The following PTGFR variants were observed in gnomAD, a reference collection of about 807,000 sequenced individuals.
The protein encoded by PTGFR is prostaglandin F2-alpha receptor.
PTGFR carries 15 observed loss-of-function variants against 26.2 expected under a neutral mutation model. The observed-to-expected ratio is 0.57, with a 90% confidence interval of 0.38 to 0.88. The LOEUF is 0.88. PTGFR is among the 40% of genes least tolerant of loss of function. The pLI is 0.00. For missense variants in PTGFR, 369 were observed against 427.2 expected (o/e 0.86, Z 1.20); for synonymous variants, 165 against 151.1 (o/e 1.09, Z -0.68).
At chr1:78,518,473 A>G (rs1650144473) in intron 2 of PTGFR, among the ~76,000 whole-genome samples, 1 of 151,810 alleles carries the variant, frequency 6.6e-6, no homozygotes. Context: ...CTATTTCTTG[A>G]CCCTAGAGAA....
At chr1:78,494,569 C>T (rs553537795) in intron 2 of PTGFR, among the ~76,000 whole-genome samples, 1 of 152,288 alleles carries the variant, frequency 6.6e-6, no homozygotes, top group Non-Finnish European at 1.5e-5. Context: ...CAAACAGGCT[C>T]ATTGCCCAAG....
chr1:78,528,813 A>G (rs1650438014), intron 2 of PTGFR, among the ~76,000 whole-genome samples: 1 of 152,100 alleles, frequency 6.6e-6, no homozygotes, highest in African/African-American at 2.4e-5. Context: ...ATGTCCAGGC[A>G]CAGTAAGCAA....
At chr1:78,527,275 T>TA (rs908970524) in intron 2 of PTGFR, among the ~76,000 whole-genome samples, 11 of 152,242 alleles carry the variant, frequency 7.2e-5, no homozygotes, top group African/African-American at 2.6e-4. Context: ...AGTCTTCATT[T>TA]AAAAGTTTAA....
At chr1:78,527,610 G>T (rs1436090951) in intron 2 of PTGFR, among the ~76,000 whole-genome samples, 1 of 152,084 alleles carries the variant, frequency 6.6e-6, no homozygotes, top group Non-Finnish European at 1.5e-5. Flanking sequence ...TCTGTCTTCT[G>T]TTGCATGTTG....
intron 2 of PTGFR, among the ~76,000 whole-genome samples, chr1:78,527,219 A>C (rs1430713955): frequency 6.6e-6 from 1 of 152,084 alleles, no homozygotes; most frequent in African/African-American, 2.4e-5. Flanking sequence ...TGTAACATTT[A>C]TTTTTATTTA....
chr1:78,514,802 A>G (rs1432437141), intron 2 of PTGFR, among the ~76,000 whole-genome samples: 3 of 152,260 alleles, frequency 2.0e-5, no homozygotes, highest in Admixed American at 6.5e-5. Context: ...TGCCTTGGTG[A>G]TAAGTGAGTT....
intron 2 of PTGFR, among the ~76,000 whole-genome samples, chr1:78,531,346 T>C (rs1355916759): frequency 1.3e-5 from 2 of 152,076 alleles, no homozygotes; most frequent in East Asian, 1.9e-4. Flanking sequence ...CCATCCCAGT[T>C]CCCAAACCCT....
chr1:78,514,308 C>T (rs1650042770), intron 2 of PTGFR, among the ~76,000 whole-genome samples: 1 of 152,140 alleles, frequency 6.6e-6, no homozygotes, highest in African/African-American at 2.4e-5. Flanking sequence ...GGAGCTCACT[C>T]CTTGCATCAG....
Position 78,537,038 on chromosome 1 carries a change from C to T in PTGFR, c.*351C>T, listed in dbSNP as rs1447017541. The T allele has an allele frequency of 4.8e-6, 1 of 206,198 alleles. No individual in the cohort carries two copies. The highest frequency in any genetic ancestry group is 2.3e-5 in the African/African-American group (1 of 42,764). The allele number at this position is 206,198 out of a possible 1,614,324, so 12.8% of individuals were successfully genotyped here. A position where few individuals can be genotyped will look rare whatever the true frequency, so the allele number is the denominator to read the frequency against. ...CCAGAGAACATCTTAATGCAGCCTG[C>T]ATAGTGAAATGGTTATTTTGAGATC... On this transcript the variant is annotated 3_prime_UTR_variant, in exon 3 of 3. Transcript: ENST00000370757.
At chr1:78,513,564 CTTATA>C (rs1650022455) in intron 2 of PTGFR, among the ~76,000 whole-genome samples, 1 of 152,314 alleles carries the variant, frequency 6.6e-6, no homozygotes, top group Admixed American at 6.5e-5. Context: ...AATGCTGGAA[CTTATA>C]TTTAAATGGG....
At chr1:78,501,656 T>C (rs2100357720) in intron 2 of PTGFR, among the ~76,000 whole-genome samples, 1 of 152,222 alleles carries the variant, frequency 6.6e-6, no homozygotes, top group East Asian at 1.9e-4. Flanking sequence ...GACAATTGGA[T>C]TATGTAAAAT....
At chr1:78,521,899 C>T (rs1650251343) in intron 2 of PTGFR, among the ~76,000 whole-genome samples, 1 of 152,026 alleles carries the variant, frequency 6.6e-6, no homozygotes, top group Non-Finnish European at 1.5e-5. Context: ...TGCTGCATAA[C>T]AGAGTCCTAT....
At chr1:78,506,664 G>C (rs1280242795) in intron 2 of PTGFR, among the ~76,000 whole-genome samples, 1 of 151,932 alleles carries the variant, frequency 6.6e-6, no homozygotes, top group Non-Finnish European at 1.5e-5. Flanking sequence ...CAAGGATACT[G>C]AGTATAGTCT....
In PTGFR at chr1:78,537,319, T is replaced by G. The variant is rs1425506773; in HGVS notation, c.*632T>G. ...GACAAATAGGACTGCCTACATTTATTATTATGAAGGTCGATTGTTGTTGGA... is the reference window on the plus strand; with the variant it reads ...GACAAATAGGACTGCCTACATTTATGATTATGAAGGTCGATTGTTGTTGGA... On this transcript the variant is annotated 3_prime_UTR_variant, in exon 3 of 3. Coordinates refer to ENST00000370757, the MANE Select transcript of PTGFR (RefSeq NM_000959.4). 1.3e-5 allele frequency: 2 copies of G among 152,144 alleles called. No homozygotes were observed. Among genetic ancestry groups the G allele is most frequent in the East Asian group, 3.9e-4 (2 of 5,188 alleles). The allele number at this position is 152,144 out of a possible 1,614,324, so 9.4% of individuals were successfully genotyped here.
chr1:78,516,748 A>T (rs187934973), intron 2 of PTGFR, among the ~76,000 whole-genome samples: 7 of 150,046 alleles, frequency 4.7e-5, no homozygotes, highest in East Asian at 3.9e-4. Context: ...TTTGTACATA[A>T]TTTTTTTTTT....
At chr1:78,492,123 A>G (rs1374839233) in intron 1 of PTGFR, among the ~76,000 whole-genome samples, 1 of 152,202 alleles carries the variant, frequency 6.6e-6, no homozygotes, top group African/African-American at 2.4e-5. Flanking sequence ...TATTTGATTT[A>G]TGCTTAGAAA....
intron 2 of PTGFR, among the ~76,000 whole-genome samples, chr1:78,535,993 C>T (rs1650642145): frequency 6.6e-6 from 1 of 152,090 alleles, no homozygotes; most frequent in Non-Finnish European, 1.5e-5. Flanking sequence ...ATATCAGATG[C>T]TCTAAATTCA....
chr1:78,498,296 A>T (rs558657154), intron 2 of PTGFR, among the ~76,000 whole-genome samples: 3 of 152,314 alleles, frequency 2.0e-5, no homozygotes, highest in African/African-American at 4.8e-5. Flanking sequence ...TGTCTTGAGC[A>T]CTTGCCTCAA....
intron 2 of PTGFR, among the ~76,000 whole-genome samples, chr1:78,524,991 C>T (rs1439357101): frequency 7.8e-6 from 1 of 128,040 alleles, no homozygotes; most frequent in East Asian, 2.7e-4. Flanking sequence ...ATCAAAAGTT[C>T]ACATAAATCC....
Sources: gnomAD v4.1 joint callset for allele counts (sites outside exome capture counted in the v4.1 genomes callset) on GRCh38, gnomAD v4.1.1 for gene constraint, MANE v1.5 for transcripts, NCBI Gene and HGNC (gene_info 2026-07-23, HGNC 2026-07-21) for gene names.